The following MCC variants were observed in gnomAD, a reference collection of about 807,000 sequenced individuals.
MCC encodes MCC regulator of Wnt signaling pathway, also known as colorectal mutant cancer protein.
In MCC, 90 loss-of-function variants were observed where a neutral mutation model predicts 116.2. That is an observed-to-expected ratio of 0.77 (90% CI 0.65 to 0.92). The LOEUF (loss-of-function observed/expected upper bound fraction) is 0.92. Among genes scored for constraint, MCC ranks in the 40% least tolerant of loss-of-function variants. The pLI is 0.00. For missense variants in MCC, 1,516 were observed against 1,312.2 expected (o/e 1.16, Z -2.40); for synonymous variants, 578 against 510.5 (o/e 1.13, Z -1.78).
chr5:113,446,287 A>G (rs916291339), intron 1 of MCC, among the ~76,000 whole-genome samples: 21 of 152,256 alleles, frequency 1.4e-4, no homozygotes, highest in African/African-American at 4.6e-4. Flanking sequence ...GCAGCAAAAG[A>G]AACTCTCAAC....
At chr5:113,115,260 G>C (rs1165074295) in intron 6 of MCC, among the ~76,000 whole-genome samples, 1 of 152,194 alleles carries the variant, frequency 6.6e-6, no homozygotes, top group Non-Finnish European at 1.5e-5. Context: ...CACGAGGCCT[G>C]AGAAGGGGTC....
intron 3 of MCC, among the ~76,000 whole-genome samples, chr5:113,290,299 G>A (rs980170658): frequency 4.6e-5 from 7 of 152,086 alleles, no homozygotes; most frequent in African/African-American, 1.7e-4. Flanking sequence ...ATTTCCAGGG[G>A]CATCCAATGT....
intron 3 of MCC, among the ~76,000 whole-genome samples, chr5:113,185,932 G>A (rs1761876436): frequency 6.6e-6 from 1 of 152,122 alleles, no homozygotes. Context: ...CTTAATTTGA[G>A]AAGAAAGAGC....
At chr5:113,469,059 T>G (rs1338926209) in intron 1 of MCC, among the ~76,000 whole-genome samples, 1 of 152,218 alleles carries the variant, frequency 6.6e-6, no homozygotes, top group Non-Finnish European at 1.5e-5. Context: ...TGTGTCTATT[T>G]GATTCTTCTC....
chr5:113,377,059 A>T (rs1178676138), intron 2 of MCC, among the ~76,000 whole-genome samples: 1 of 152,210 alleles, frequency 6.6e-6, no homozygotes, highest in Non-Finnish European at 1.5e-5. Context: ...AATAAAGCCA[A>T]TTCTAAAGGA....
intron 3 of MCC, among the ~76,000 whole-genome samples, chr5:113,238,241 A>G (rs1350652712): frequency 2.6e-5 from 4 of 152,224 alleles, no homozygotes; most frequent in African/African-American, 9.7e-5. Flanking sequence ...GGCACTTTTC[A>G]GAAAGGCAGT....
intron 3 of MCC, among the ~76,000 whole-genome samples, chr5:113,249,686 C>T (rs1055661150): frequency 3.9e-5 from 6 of 152,176 alleles, no homozygotes; most frequent in Non-Finnish European, 7.3e-5. Flanking sequence ...ACTCCACCTG[C>T]CACTGTTGGG....
At chr5:113,447,851 C>T (rs544268208) in intron 1 of MCC, among the ~76,000 whole-genome samples, 19 of 152,212 alleles carry the variant, frequency 1.2e-4, no homozygotes, top group Non-Finnish European at 2.5e-4. Flanking sequence ...GGCGGCCCAC[C>T]GAGAGAGAGC....
chr5:113,068,651 C>T (rs1045916471), intron 12 of MCC, among the ~76,000 whole-genome samples: 1 of 152,260 alleles, frequency 6.6e-6, no homozygotes, highest in African/African-American at 2.4e-5. Flanking sequence ...GTCACTCTCT[C>T]TCACTTCACT....
At chr5:113,070,710 T>C (rs1265517273) in intron 12 of MCC, among the ~76,000 whole-genome samples, 1 of 152,196 alleles carries the variant, frequency 6.6e-6, no homozygotes, top group Non-Finnish European at 1.5e-5. Context: ...CCATTCAGAA[T>C]AGAGACTATT....
chr5:113,473,423 C>G (rs2150432531), intron 1 of MCC, among the ~76,000 whole-genome samples: 1 of 152,192 alleles, frequency 6.6e-6, no homozygotes, highest in Admixed American at 6.5e-5. Flanking sequence ...ACTTGGAAGC[C>G]TGATGCGGGA....
At position 113,133,027 on chromosome 5, in the gene MCC, A is replaced by C. The variant is rs567453109; in HGVS notation, c.884+10191T>G. 1.8e-4 allele frequency among the ~76,000 whole-genome samples: 27 copies of C among 152,216 alleles called. No individual in the cohort carries two copies. The South Asian group carries it at 5.4e-3, about 30-fold the overall frequency. On this transcript the variant is annotated intron_variant, in intron 5 of 18. Coordinates refer to ENST00000408903, the MANE Select transcript of MCC (RefSeq NM_001085377.2). ...TTCTTTTTTTTTTGTTTTTACTGAT[A>C]CCGGATAGATACGTATTTTCAGGGT...
At chr5:113,113,192 C>T (rs534836225) in intron 6 of MCC, among the ~76,000 whole-genome samples, 1 of 152,328 alleles carries the variant, frequency 6.6e-6, no homozygotes, top group African/African-American at 2.4e-5. Flanking sequence ...TTCTTTCAGC[C>T]TCAACACAGA....
Position 113,254,594 on chromosome 5 carries a change from G to A in MCC, c.627+85925C>T, listed in dbSNP as rs150567535. Reference sequence around the variant, plus strand: ...CCATACGTAAAGCAAACAAAAGTATGCCATGATCCTAAGCCACTAACCAAA... The same window carrying A: ...CCATACGTAAAGCAAACAAAAGTATACCATGATCCTAAGCCACTAACCAAA... On this transcript the variant is annotated intron_variant, in intron 3 of 18. Transcript: ENST00000408903. Among the ~76,000 whole-genome samples, 368 of 152,268 alleles carry A rather than the reference G, an allele frequency of 2.4e-3. 1 individual carries two copies. The highest frequency in any genetic ancestry group is 5.5e-3 in the Admixed American group (84 of 15,302).
At chr5:113,264,952 G>T (rs572488091) in intron 3 of MCC, among the ~76,000 whole-genome samples, 2 of 152,212 alleles carry the variant, frequency 1.3e-5, no homozygotes, top group Admixed American at 1.3e-4. Flanking sequence ...TGCGGCAGGA[G>T]AATCGCTTAA....
intron 17 of MCC, among the ~76,000 whole-genome samples, chr5:113,034,614 A>G (rs878073): frequency 0.83 from 125,919 of 152,244 alleles, 52,187 homozygotes; most frequent in African/African-American, 0.89. Context: ...CACAAGGCCT[A>G]GAATTTCTTA....
intron 1 of MCC, among the ~76,000 whole-genome samples, chr5:113,440,478 G>T (rs768946731): frequency 4.6e-5 from 7 of 152,126 alleles, no homozygotes; most frequent in Admixed American, 2.0e-4. Flanking sequence ...TGTTTCCATG[G>T]CAAACGTTGC....
rs141061288 is a variant in MCC, at chr5:113,246,226, T to C, written c.627+94293A>G. Among the ~76,000 whole-genome samples the C allele has an allele frequency of 5.7e-3, 862 of 152,342 alleles. 10 individuals are homozygous for C. The highest frequency in any genetic ancestry group is 0.02 in the African/African-American group (830 of 41,578). On this transcript the variant is annotated intron_variant, in intron 3 of 18. Coordinates refer to ENST00000408903, the MANE Select transcript of MCC (RefSeq NM_001085377.2). ...TAGGGTTCTGGAGGCAGTTAAAACA[T>C]GTTTCCACTTGCTTGTGGAATAATC...
chr5:113,142,814 A>G lies in MCC; in HGVS notation c.884+404T>C, dbSNP rs62372712. Among the ~76,000 whole-genome samples, 572 of 152,344 alleles carry G rather than the reference A, an allele frequency of 3.8e-3. 2 individuals carry two copies. Among genetic ancestry groups the G allele is most frequent in the Non-Finnish European group, 6.7e-3 (457 of 68,036 alleles). On this transcript the variant is annotated intron_variant, in intron 5 of 18. Transcript: ENST00000408903. The stretch of plus-strand genomic sequence containing the variant: ...TCTCCAAGGGAGGGACACAGTTTGC[A>G]TATTTAGTATCAACCCAGTGAATCA...
Sources: gnomAD v4.1 joint callset for allele counts (sites outside exome capture counted in the v4.1 genomes callset) on GRCh38, gnomAD v4.1.1 for gene constraint, MANE v1.5 for transcripts, NCBI Gene and HGNC (gene_info 2026-07-23, HGNC 2026-07-21) for gene names.